ETV1: variants seen among roughly 807,000 people sequenced by gnomAD.
ETV1 encodes ETS variant transcription factor 1, also known as ETS translocation variant 1.
ETV1 carries 27 observed loss-of-function variants against 62.3 expected under a neutral mutation model. The ratio of observed to expected loss-of-function variants is 0.43; its 90% CI spans 0.32 to 0.60. The LOEUF is 0.60. Ranked by LOEUF, ETV1 falls within the 20% of genes least tolerant of loss-of-function variation. The pLI, the probability that ETV1 is intolerant of heterozygous loss-of-function variation, is 0.06. For synonymous variants in ETV1, 222 were observed against 199.6 expected, an observed-to-expected ratio of 1.11 and a Z score of -0.94; for missense variants, 605 against 605.8, an observed-to-expected ratio of 1.00 and a Z score of 0.01.
rs1484016465 is a variant in ETV1 at position 13,893,968 on chromosome 7, G to A, written c.*1898C>T. Reference sequence around the variant, plus strand: ...TTTTGAAATTGGAGTACTTTTTGTAGGATTAAATGTGAAGAGTAGCAATTT... The same window carrying A: ...TTTTGAAATTGGAGTACTTTTTGTAAGATTAAATGTGAAGAGTAGCAATTT... On this transcript the variant is annotated 3_prime_UTR_variant, in exon 14 of 14. Coordinates refer to ENST00000430479, the MANE Select transcript of ETV1 (RefSeq NM_004956.5). The A allele has an allele frequency of 3.4e-5, 8 of 232,960 alleles. No homozygotes were observed. In the East Asian group the frequency reaches 4.9e-4, roughly 14 times the overall value. 14.4% of individuals were successfully genotyped at this position (232,960 alleles called of 1,614,324 possible).
rs114702098 is a variant in ETV1, at chr7:13,948,320, G to A, written c.236-9074C>T. ...CAACTCTTGTCTTAAGAGTGAAATA[G>A]GGTTATCAGTTTCTGTGAGTAGCAA... is the stretch of plus-strand genomic sequence containing the variant. On this transcript the variant is annotated intron_variant, in intron 6 of 13. Coordinates refer to ENST00000430479, the MANE Select transcript of ETV1 (RefSeq NM_004956.5). Among the ~76,000 whole-genome samples the A allele has an allele frequency of 4.5e-3, 691 of 152,292 alleles. 6 individuals are homozygous for A. Among genetic ancestry groups the A allele is most frequent in the African/African-American group, 0.016 (656 of 41,546 alleles).
chr7:13,912,608 G>C (rs936389513), intron 9 of ETV1, among the ~76,000 whole-genome samples: 2 of 152,164 alleles, frequency 1.3e-5, no homozygotes, highest in African/African-American at 4.8e-5. Flanking sequence ...TGGCAATTTA[G>C]AAATATATGG....
intron 9 of ETV1, among the ~76,000 whole-genome samples, chr7:13,925,752 T>C (rs1785348096): frequency 6.7e-6 from 1 of 150,274 alleles, no homozygotes; most frequent in Non-Finnish European, 1.5e-5. Flanking sequence ...TTTTTTTTAG[T>C]AGAGACGGGG....
At chr7:13,908,879 T>C (rs111606656) in intron 11 of ETV1, among the ~76,000 whole-genome samples, 1,637 of 152,104 alleles carry the variant, frequency 0.011, 30 homozygotes, top group African/African-American at 0.035. Flanking sequence ...TGTCAAACGA[T>C]CAAAGCAGGA....
At chr7:13,902,508 A>G (rs983069180) in intron 12 of ETV1, among the ~76,000 whole-genome samples, 27 of 145,230 alleles carry the variant, frequency 1.9e-4, no homozygotes, top group Admixed American at 1.2e-3. Flanking sequence ...GCAATAGTGA[A>G]TTGAAGCGGG....
At position 13,989,124 on chromosome 7, in the gene ETV1, C is replaced by G; in HGVS notation, c.-72G>C. 7.5e-7 allele frequency: 1 copy of G among 1,339,344 alleles called. No homozygotes were observed. The highest frequency in any genetic ancestry group is 1.0e-6 in the Non-Finnish European group (1 of 953,884). The allele number at this position is 1,339,344 out of a possible 1,614,324, so 83.0% of individuals were successfully genotyped here. ...ATTTAGCTGGAGATTTCCTCAGGAT[C>G]TGGACTTCTATCAACCTAGAGGGGA... On this transcript the variant is annotated 5_prime_UTR_variant, in exon 3 of 14. Transcript: ENST00000430479.
In ETV1 at chr7:13,896,055, C is replaced by A; in HGVS notation, c.1245G>T (p.Val415=). Residue 415 remains valine (V), a synonymous_variant, in exon 14 of 14, where the codon GTG becomes GTT. Transcript: ENST00000430479. ...VAGERYVYKF[V]CDPEALFSMA... ...TGGAGAAAAGGGCTTCTGGATCACA[C>A]ACAAACTTGTAGACATATCTCTCTC... The A allele has an allele frequency of 6.2e-7, 1 of 1,613,566 alleles. No individual in the cohort carries two copies. The highest frequency in any genetic ancestry group is 8.5e-7 in the Non-Finnish European group (1 of 1,179,778).
chr7:13,975,544 C>G (rs1583867748), intron 6 of ETV1, among the ~76,000 whole-genome samples: 1 of 112,738 alleles, frequency 8.9e-6, no homozygotes, highest in East Asian at 2.7e-4. Context: ...GCCTGGGCAA[C>G]AGGGTGAGAC....
upstream of ETV1, chr7:13,989,751 C>T (rs535768159): frequency 5.9e-4 from 235 of 397,250 alleles, 1 homozygote; most frequent in African/African-American, 4.0e-3. Flanking sequence ...CTCCCATTGG[C>T]TCCGCGTCTC....
chr7:13,897,452 C>G (rs751012080), intron 13 of ETV1, among the ~76,000 whole-genome samples: 24 of 152,118 alleles, frequency 1.6e-4, no homozygotes, highest in Non-Finnish European at 3.2e-4. Flanking sequence ...AGAGGAACCA[C>G]TTTAGAGAAT....
intron 6 of ETV1, among the ~76,000 whole-genome samples, chr7:13,952,422 G>A (rs147324017): frequency 2.1e-4 from 32 of 152,244 alleles, no homozygotes; most frequent in African/African-American, 7.2e-4. Context: ...CACACACAGA[G>A]CTCTACAAGC....
chr7:13,954,736 A>C (rs1211449470), intron 6 of ETV1, among the ~76,000 whole-genome samples: 1 of 152,132 alleles, frequency 6.6e-6, no homozygotes, highest in Non-Finnish European at 1.5e-5. Flanking sequence ...CTTGAAGTAC[A>C]CCTGCAGCAT....
intron 6 of ETV1, among the ~76,000 whole-genome samples, chr7:13,949,702 T>A (rs550266093): frequency 6.6e-6 from 1 of 152,186 alleles, no homozygotes; most frequent in Non-Finnish European, 1.5e-5. Context: ...ATGTGAATTA[T>A]GTCTGTGACA....
At chr7:13,960,233 C>T (rs1343830517) in intron 6 of ETV1, among the ~76,000 whole-genome samples, 1 of 152,206 alleles carries the variant, frequency 6.6e-6, no homozygotes, top group South Asian at 2.1e-4. Flanking sequence ...TCTTTCATGG[C>T]TAAATTAATC....
chr7:13,931,764 AGT>A lies in ETV1; in HGVS notation c.555-17_555-16del. 6.2e-7 allele frequency: 1 copy of A among 1,611,396 alleles called. No individual in the cohort carries two copies. Among genetic ancestry groups the A allele is most frequent in the Non-Finnish European group, 8.5e-7 (1 of 1,177,828 alleles). The stretch of plus-strand genomic sequence containing the variant: ...GGCGGCGAAATCTAGGGAATAAGAG[AGT>A]GTGTTTCAGATGAAACGGTAACATG... On this transcript the variant is annotated splice_polypyrimidine_tract_variant and intron_variant, in intron 8 of 13. Coordinates refer to ENST00000430479, the MANE Select transcript of ETV1 (RefSeq NM_004956.5).
chr7:13,928,035 A>C (rs1006283031), intron 9 of ETV1, among the ~76,000 whole-genome samples: 1 of 152,234 alleles, frequency 6.6e-6, no homozygotes, highest in Admixed American at 6.5e-5. Flanking sequence ...GATGCCATAC[A>C]TACCTTCGAC....
At chr7:13,911,137 T>C (rs1783520100) in intron 10 of ETV1, 102 bp downstream of exon 10, 1 of 799,936 alleles carries the variant, frequency 1.3e-6, no homozygotes, top group Non-Finnish European at 2.1e-6. Flanking sequence ...ACATAAATGA[T>C]TTTTCCCAAA....
chr7:13,952,914 T>C (rs1244043543), intron 6 of ETV1, among the ~76,000 whole-genome samples: 1 of 152,208 alleles, frequency 6.6e-6, no homozygotes, highest in African/African-American at 2.4e-5. Context: ...TGGTACTAAA[T>C]GATCCTCATC....
chr7:13,952,074 G>A (rs1583770412), intron 6 of ETV1, among the ~76,000 whole-genome samples: 1 of 152,044 alleles, frequency 6.6e-6, no homozygotes, highest in Non-Finnish European at 1.5e-5. Flanking sequence ...AATAAACATG[G>A]AAAACGTCAG....
Sources: gnomAD v4.1 joint callset for allele counts (sites outside exome capture counted in the v4.1 genomes callset) on GRCh38, gnomAD v4.1.1 for gene constraint, MANE v1.5 for transcripts, NCBI Gene and HGNC (gene_info 2026-07-23, HGNC 2026-07-21) for gene names.